DLG2: variants seen among roughly 807,000 people sequenced by gnomAD.
The protein encoded by DLG2 is disks large homolog 2.
A neutral mutation model predicts 132.5 loss-of-function variants in DLG2; 45 were observed. The observed-to-expected ratio is 0.34, with a 90% CI of 0.27 to 0.44. The LOEUF (loss-of-function observed/expected upper bound fraction) is 0.44, where lower values mean the gene tolerates loss of function less well. DLG2 is among the 20% of genes least tolerant of loss of function. The probability of loss-of-function intolerance (pLI) is 1.00; values close to 1 mark genes in which losing one functional copy is unlikely to be tolerated. For missense variants in DLG2, 1,045 were observed against 1,196.9 expected (o/e 0.87, Z 1.87); for synonymous variants, 424 against 419.6 (o/e 1.01, Z -0.13).
chr11:85,531,694 A>C (rs908245969), intron 3 of DLG2, among the ~76,000 whole-genome samples: 3 of 152,218 alleles, frequency 2.0e-5, no homozygotes, highest in African/African-American at 7.2e-5. Flanking sequence ...GGCATGATAC[A>C]ATAAAGTGAG....
chr11:83,467,270 T>C (rs1187924013), intron 25 of DLG2, among the ~76,000 whole-genome samples: 4 of 152,160 alleles, frequency 2.6e-5, no homozygotes, highest in South Asian at 2.1e-4. Context: ...GCTAGGAGCA[T>C]GCAAACCCAA....
At chr11:83,598,552 A>G (rs2058014984) in intron 19 of DLG2, among the ~76,000 whole-genome samples, 1 of 152,202 alleles carries the variant, frequency 6.6e-6, no homozygotes, top group African/African-American at 2.4e-5. Flanking sequence ...AGGGTTGCTC[A>G]TCTGCATTTG....
intron 6 of DLG2, among the ~76,000 whole-genome samples, chr11:85,057,323 T>A (rs1043923107): frequency 6.6e-6 from 1 of 151,518 alleles, no homozygotes; most frequent in African/African-American, 2.4e-5. Flanking sequence ...AGAAGAGAAA[T>A]GGGACAAGTT....
At chr11:83,814,434 A>G (rs1399391417) in intron 17 of DLG2, 1 of 207,372 alleles carries the variant, frequency 4.8e-6, no homozygotes, top group Non-Finnish European at 1.0e-5. Flanking sequence ...CTATAATTTC[A>G]GAATGATAGC....
At chr11:84,144,386 A>T (rs866284245) in intron 9 of DLG2, among the ~76,000 whole-genome samples, 1 of 152,198 alleles carries the variant, frequency 6.6e-6, no homozygotes, top group African/African-American at 2.4e-5. Context: ...AGGGTTCCTT[A>T]CTTCGTGCTC....
At chr11:84,701,620 C>A (rs1416101096) in intron 6 of DLG2, among the ~76,000 whole-genome samples, 1 of 151,478 alleles carries the variant, frequency 6.6e-6, no homozygotes, top group East Asian at 1.9e-4. Flanking sequence ...CTCCCCCAAC[C>A]CAGGCACATT....
At chr11:85,580,594 T>C (rs1404608533) in intron 3 of DLG2, among the ~76,000 whole-genome samples, 1 of 152,362 alleles carries the variant, frequency 6.6e-6, no homozygotes, top group South Asian at 2.1e-4. Flanking sequence ...ACAGCAATCT[T>C]ATTAGGTGAA....
intron 6 of DLG2, among the ~76,000 whole-genome samples, chr11:84,690,881 G>A (rs201387472): frequency 6.6e-6 from 1 of 151,746 alleles, no homozygotes; most frequent in South Asian, 2.1e-4. Context: ...AAAATAAATG[G>A]AATTGATAAG....
chr11:85,437,504 C>T (rs989170935), intron 3 of DLG2, among the ~76,000 whole-genome samples: 6 of 152,046 alleles, frequency 3.9e-5, no homozygotes, highest in Non-Finnish European at 8.8e-5. Context: ...AGGGTCTTTG[C>T]TAAGTATTAG....
chr11:83,745,216 T>G (rs1211279018), intron 18 of DLG2, among the ~76,000 whole-genome samples: 1 of 152,206 alleles, frequency 6.6e-6, no homozygotes, highest in Non-Finnish European at 1.5e-5. Context: ...CCTGGCCAAA[T>G]GCTGTGAAAA....
chr11:83,774,021 A>G (rs1168499857), intron 18 of DLG2, among the ~76,000 whole-genome samples: 1 of 152,188 alleles, frequency 6.6e-6, no homozygotes, highest in African/African-American at 2.4e-5. Flanking sequence ...AACATGAAAA[A>G]CAAATAAAGA....
chr11:84,074,933 C>T (rs2096806653), intron 10 of DLG2, among the ~76,000 whole-genome samples: 2 of 152,174 alleles, frequency 1.3e-5, no homozygotes, highest in African/African-American at 2.4e-5. Flanking sequence ...AAGCCCTTAC[C>T]TGCCTTACAA....
chr11:84,703,399 C>A (rs572338312), intron 6 of DLG2, among the ~76,000 whole-genome samples: 71 of 151,358 alleles, frequency 4.7e-4, no homozygotes, highest in Admixed American at 7.3e-4. Context: ...TGAACAAAGC[C>A]ATAGGATAAT....
chr11:83,705,946 T>C lies in DLG2; in HGVS notation c.1826-72621A>G, dbSNP rs1339699838. 2.0e-5 allele frequency among the ~76,000 whole-genome samples: 3 copies of C among 152,126 alleles called. No individual in the cohort carries two copies. The East Asian group carries it at 5.8e-4, about 29-fold the overall frequency. ...AAACATTTTAAAACTAGGCCGGGCG[T>C]GGTGGCTCACGCCTGTAATCCCAGC... On this transcript the variant is annotated intron_variant, in intron 18 of 27. Transcript: ENST00000376104.
chr11:85,132,529 C>CA (rs989608035), intron 5 of DLG2, among the ~76,000 whole-genome samples: 3 of 150,600 alleles, frequency 2.0e-5, no homozygotes, highest in East Asian at 1.9e-4. Flanking sequence ...AAACAAAAAA[C>CA]AAAAAAACAG....
chr11:84,743,881 C>T (rs778974004), intron 6 of DLG2, among the ~76,000 whole-genome samples: 7 of 152,016 alleles, frequency 4.6e-5, no homozygotes, highest in Non-Finnish European at 8.8e-5. Context: ...CCTGCCACTG[C>T]GCCTGGCTAA....
chr11:84,934,530 T>TTG (rs2048502046), intron 6 of DLG2, among the ~76,000 whole-genome samples: 1 of 133,842 alleles, frequency 7.5e-6, no homozygotes, highest in African/African-American at 2.8e-5. Context: ...GTTTTGTTTT[T>TTG]TTTTTTTTTT....
intron 6 of DLG2, among the ~76,000 whole-genome samples, chr11:85,012,967 A>G (rs537967833): frequency 2.0e-5 from 3 of 152,352 alleles, no homozygotes; most frequent in Admixed American, 2.0e-4. Context: ...TAATGCATAT[A>G]AAGTGGCAAG....
chr11:85,088,630 T>C (rs960652716), intron 6 of DLG2, among the ~76,000 whole-genome samples: 1 of 152,208 alleles, frequency 6.6e-6, no homozygotes, highest in Non-Finnish European at 1.5e-5. Context: ...AAGGTGAGGA[T>C]AGCTACTTCT....
Sources: gnomAD v4.1 joint callset for allele counts (sites outside exome capture counted in the v4.1 genomes callset) on GRCh38, gnomAD v4.1.1 for gene constraint, MANE v1.5 for transcripts, NCBI Gene and HGNC (gene_info 2026-07-23, HGNC 2026-07-21) for gene names.